Variants in NEUROD4 observed in about 807,000 individuals in gnomAD.
NEUROD4 encodes neurogenic differentiation factor 4.
Under a neutral mutation model 19.8 loss-of-function variants are expected in NEUROD4, and 16 were observed. That is an observed-to-expected ratio of 0.81 (90% CI 0.55 to 1.23). The LOEUF (loss-of-function observed/expected upper bound fraction) is 1.23, where lower values mean the gene tolerates loss of function less well. Among genes scored for constraint, NEUROD4 ranks in the 50% most tolerant of loss-of-function variants. The pLI is 0.00. For synonymous variants in NEUROD4, 153 were observed against 147.9 expected (o/e 1.03, Z -0.25); for missense variants, 439 against 398.6 (o/e 1.10, Z -0.86).
intron 1 of NEUROD4, among the ~76,000 whole-genome samples, chr12:55,025,806 A>G (rs1952721877): frequency 6.6e-6 from 1 of 152,226 alleles, no homozygotes; most frequent in Non-Finnish European, 1.5e-5. Flanking sequence ...GCCACCAGTT[A>G]GCAATACTGG....
chr12:55,028,287 C>T lies in NEUROD4; in HGVS notation c.*852C>T, dbSNP rs1480283126. On this transcript the variant is annotated 3_prime_UTR_variant, in exon 2 of 2. Transcript: ENST00000242994. ...GCAAACAAGTCACTGAAGCCTCAGA[C>T]TCCTATAACTAATGGGACATAGAGA... 3 of 167,000 alleles carry T rather than the reference C, an allele frequency of 1.8e-5. No homozygotes were observed. The highest frequency in any genetic ancestry group is 7.2e-5 in the African/African-American group (3 of 41,454). 10.3% of individuals were successfully genotyped at this position (167,000 alleles called of 1,614,324 possible). A position where few individuals can be genotyped will look rare whatever the true frequency, so the allele number is the denominator to read the frequency against.
rs1014127839 is a variant in NEUROD4, at chr12:55,027,128, A to C, written c.689A>C (p.Lys230Thr). The C allele has an allele frequency of 3.7e-6, 6 of 1,614,054 alleles. No individual in the cohort carries two copies. Among genetic ancestry groups the C allele is most frequent in the Non-Finnish European group, 4.2e-6 (5 of 1,180,018 alleles). ...HLLHLKPQVF[K>T]SLGESSFGSH... ...CTTCATCTCAAGCCCCAAGTATTCA[A>C]GAGTTTGGGAGAATCGTCCTTTGGG... Residue 230 changes from lysine to threonine, a missense_variant, in exon 2 of 2, where the codon AAG becomes ACG. Transcript: ENST00000242994.
In NEUROD4 at chr12:55,027,244, G is replaced by C. The variant is rs1365935590; in HGVS notation, c.805G>C (p.Gly269Arg). ...ISGNFSLKQD[G>R]SPDLEKSYSF... ...TGGGAACTTCTCCTTGAAGCAAGAT[G>C]GGTCTCCTGACCTAGAAAAATCCTA... Residue 269 changes from glycine to arginine, a missense_variant, in exon 2 of 2, where the codon GGG (glycine) becomes CGG (arginine). Gly to Arg is a moderately radical substitution (Grantham distance 125, BLOSUM62 -2). Transcript: ENST00000242994. 6.2e-7 allele frequency: 1 copy of C among 1,614,036 alleles called. No individual in the cohort carries two copies. Among genetic ancestry groups the C allele is most frequent in the Non-Finnish European group, 8.5e-7 (1 of 1,180,000 alleles).
Position 55,027,337 on chromosome 12 carries a change from G to T in NEUROD4, c.898G>T (p.Ala300Ser). Residue 300 changes from alanine to serine, a missense_variant, in exon 2 of 2, where the codon GCT becomes TCT. Physicochemically the swap from Ala to Ser is moderately conservative, Grantham distance 99. Coordinates refer to ENST00000242994, the MANE Select transcript of NEUROD4 (RefSeq NM_021191.3). ...GCATGTGCATTCAACTCCTTTTCAGGCTGGTACCCCCCGTTATGATGTTCC... is the reference window on the plus strand; with the variant it reads ...GCATGTGCATTCAACTCCTTTTCAGTCTGGTACCCCCCGTTATGATGTTCC... ...SGHVHSTPFQ[A>S]GTPRYDVPID... is the part of the protein sequence containing the mutation. 1 of 1,614,028 alleles carries T rather than the reference G, an allele frequency of 6.2e-7. No homozygotes were observed.
rs767319774 is a variant in NEUROD4 at position 55,028,533 on chromosome 12, GTTAAACGTGA to G, written c.*1104_*1113del. 5 of 167,044 alleles carry G rather than the reference GTTAAACGTGA, an allele frequency of 3.0e-5. No homozygotes were observed. Among genetic ancestry groups the G allele is most frequent in the African/African-American group, 4.8e-5 (2 of 41,508 alleles). The allele number at this position is 167,044 out of a possible 1,614,324, so 10.3% of individuals were successfully genotyped here. ...TTTTAAGCAAGATGAATTTCATTTG[GTTAAACGTGA>G]TTAAAACCATCCACCTCTGTCCACA... On this transcript the variant is annotated 3_prime_UTR_variant, in exon 2 of 2. Transcript: ENST00000242994.
At chr12:55,022,319 T>A (rs2136238328) in intron 1 of NEUROD4, among the ~76,000 whole-genome samples, 1 of 152,158 alleles carries the variant, frequency 6.6e-6, no homozygotes, top group Non-Finnish European at 1.5e-5. Flanking sequence ...AGACAACCCT[T>A]GGTTTCTTTG....
intron 1 of NEUROD4, among the ~76,000 whole-genome samples, chr12:55,022,073 C>T (rs1169103903): frequency 6.6e-6 from 1 of 152,158 alleles, no homozygotes. Flanking sequence ...TTACAAAGTA[C>T]TTGTGCTTGC....
In NEUROD4 at chr12:55,027,010, C is replaced by G. The variant is rs1186881181; in HGVS notation, c.571C>G (p.Pro191Ala). The change falls in exon 2 of 2, where the codon CCT becomes GCT. Residue 191 changes from proline (P) to alanine (A), a missense_variant. Transcript: ENST00000242994. The stretch of plus-strand genomic sequence containing the variant: ...CCTGGAGAAGCACGAGGATAAATCT[C>G]CTATTTGTGACTCTGCCATCTCTGT... ...VLLEKHEDKSPICDSAISVHN... is the reference protein window; with the variant it reads ...VLLEKHEDKSAICDSAISVHN... The G allele has an allele frequency of 6.2e-7, 1 of 1,614,126 alleles. No homozygotes were observed. Among genetic ancestry groups the G allele is most frequent in the Non-Finnish European group, 8.5e-7 (1 of 1,180,018 alleles).
chr12:55,027,156 C>G lies in NEUROD4; in HGVS notation c.717C>G (p.Ser239Arg). The G allele has an allele frequency of 6.2e-7, 1 of 1,614,160 alleles. No homozygotes were observed. The highest frequency in any genetic ancestry group is 8.5e-7 in the Non-Finnish European group (1 of 1,180,020). The change falls in exon 2 of 2, where the codon AGC becomes AGG. Residue 239 changes from serine (S) to arginine (R), a missense_variant. Physicochemically the swap from Ser to Arg is moderately radical, Grantham distance 110. Transcript: ENST00000242994. ...FKSLGESSFG[S>R]HLPDCSTPPY... ...GTTTGGGAGAATCGTCCTTTGGGAG[C>G]CATCTGCCTGACTGCAGTACACCCC... is the stretch of plus-strand genomic sequence containing the variant.
intron 1 of NEUROD4, among the ~76,000 whole-genome samples, chr12:55,021,310 G>T (rs1952672146): frequency 6.6e-6 from 1 of 152,180 alleles, no homozygotes; most frequent in African/African-American, 2.4e-5. Flanking sequence ...TCTTTTTAGT[G>T]CCAAGACTGT....
In NEUROD4 at chr12:55,027,021, C is replaced by G. The variant is rs1466069901; in HGVS notation, c.582C>G (p.Asp194Glu). ...ACGAGGATAAATCTCCTATTTGTGACTCTGCCATCTCTGTCCACAACTTCA... is the reference window on the plus strand; with the variant it reads ...ACGAGGATAAATCTCCTATTTGTGAGTCTGCCATCTCTGTCCACAACTTCA... ...EKHEDKSPICDSAISVHNFNY... is the reference protein window; with the variant it reads ...EKHEDKSPICESAISVHNFNY... The change falls in exon 2 of 2, where the codon GAC becomes GAG. Residue 194 changes from aspartate to glutamate, a missense_variant. By Grantham distance (45) the Asp-to-Glu change is conservative (BLOSUM62 2). Transcript: ENST00000242994. 2 of 1,614,164 alleles carry G rather than the reference C, an allele frequency of 1.2e-6. No homozygotes were observed. The highest frequency in any genetic ancestry group is 2.2e-5 in the South Asian group (2 of 91,080).
At chr12:55,024,937 T>C (rs1395832724) in intron 1 of NEUROD4, among the ~76,000 whole-genome samples, 1 of 152,236 alleles carries the variant, frequency 6.6e-6, no homozygotes, top group Non-Finnish European at 1.5e-5. Context: ...TCAAATAATA[T>C]ATCTTTATTT....
At chr12:55,024,543 C>T (rs1348738175) in intron 1 of NEUROD4, among the ~76,000 whole-genome samples, 1 of 152,180 alleles carries the variant, frequency 6.6e-6, no homozygotes, top group Non-Finnish European at 1.5e-5. Context: ...GTTTCCCAAG[C>T]CCACTCCATC....
chr12:55,021,550 A>G (rs903039379), intron 1 of NEUROD4, among the ~76,000 whole-genome samples: 6 of 152,254 alleles, frequency 3.9e-5, no homozygotes, highest in Non-Finnish European at 5.9e-5. Flanking sequence ...GTAAAAGTGT[A>G]GAAAGAATTC....
intron 1 of NEUROD4, among the ~76,000 whole-genome samples, chr12:55,021,606 G>C (rs1277198845): frequency 6.6e-6 from 1 of 152,172 alleles, no homozygotes; most frequent in Non-Finnish European, 1.5e-5. Context: ...TTTGGCCCTA[G>C]TAGTAAAAAT....
intron 1 of NEUROD4, 108 bp downstream of exon 1, chr12:55,020,421 G>A (rs911203590): frequency 2.0e-5 from 3 of 152,198 alleles, no homozygotes; most frequent in African/African-American, 7.2e-5. Context: ...TAAGGCAGGA[G>A]GAAGTGAGAT....
chr12:55,027,958 T>C lies in NEUROD4; in HGVS notation c.*523T>C, dbSNP rs998474971. On this transcript the variant is annotated 3_prime_UTR_variant, in exon 2 of 2. Coordinates refer to ENST00000242994, the MANE Select transcript of NEUROD4 (RefSeq NM_021191.3). ...TGCATAGAATGATCAAATTGAATTA[T>C]CAGAGGGATCACAAGGTACATGTCT... 1.8e-5 allele frequency: 3 copies of C among 167,406 alleles called. No homozygotes were observed. The Admixed American group carries it at 2.0e-4, about 11-fold the overall frequency. The allele number at this position is 167,406 out of a possible 1,614,324, so 10.4% of individuals were successfully genotyped here. A position where few individuals can be genotyped will look rare whatever the true frequency, so the allele number is the denominator to read the frequency against.
intron 1 of NEUROD4, among the ~76,000 whole-genome samples, chr12:55,024,311 A>T (rs954669768): frequency 5.3e-5 from 8 of 152,190 alleles, no homozygotes; most frequent in African/African-American, 1.9e-4. Context: ...ATGTAAAATA[A>T]GAAGAATTAA....
rs1278772589 is a variant in NEUROD4, at chr12:55,029,819, G to T, written c.*2384G>T. On this transcript the variant is annotated 3_prime_UTR_variant, in exon 2 of 2. Transcript: ENST00000242994. ...CCATGAGCCAAGCCTCCCTGAAATTGTACAGAGGGATTTTATAATTGAATT... is the reference window on the plus strand; with the variant it reads ...CCATGAGCCAAGCCTCCCTGAAATTTTACAGAGGGATTTTATAATTGAATT... 6.0e-6 allele frequency: 1 copy of T among 166,996 alleles called. No individual in the cohort carries two copies. The highest frequency in any genetic ancestry group is 1.5e-5 in the Non-Finnish European group (1 of 68,092). The allele number at this position is 166,996 out of a possible 1,614,324, so 10.3% of individuals were successfully genotyped here.
Sources: gnomAD v4.1 joint callset for allele counts (sites outside exome capture counted in the v4.1 genomes callset) on GRCh38, gnomAD v4.1.1 for gene constraint, MANE v1.5 for transcripts, NCBI Gene and HGNC (gene_info 2026-07-23, HGNC 2026-07-21) for gene names.